The following ANXA7 variants were observed in gnomAD, a reference collection of about 807,000 sequenced individuals.
ANXA7 encodes the protein annexin VII.
A neutral mutation model predicts 64.9 loss-of-function variants in ANXA7; 55 were observed. The ratio of observed to expected loss-of-function variants is 0.85; its 90% CI spans 0.68 to 1.06. The LOEUF (loss-of-function observed/expected upper bound fraction) is 1.06, where lower values mean the gene tolerates loss of function less well. ANXA7 is among the 50% of genes least tolerant of loss of function. The probability of loss-of-function intolerance (pLI) is 0.00; values close to 1 mark genes in which losing one functional copy is unlikely to be tolerated. For missense variants in ANXA7, 548 were observed against 582.1 expected (o/e 0.94, Z 0.60); for synonymous variants, 200 against 192.4 (o/e 1.04, Z -0.33).
intron 12 of ANXA7, 48 bp from the exon 13 acceptor site, chr10:73,376,265 A>G: frequency 6.7e-7 from 1 of 1,499,960 alleles, no homozygotes; most frequent in Non-Finnish European, 8.9e-7. Flanking sequence ...GTGACAACTG[A>G]CATTTCTTAA....
At chr10:73,390,157 C>T (rs2055445666) in intron 5 of ANXA7, among the ~76,000 whole-genome samples, 1 of 152,154 alleles carries the variant, frequency 6.6e-6, no homozygotes, top group African/African-American at 2.4e-5. Context: ...ATCATTTAAA[C>T]ATGCAATCAA....
At chr10:73,381,678 C>T (rs546172405) in intron 9 of ANXA7, 8 of 152,336 alleles carry the variant, frequency 5.3e-5, no homozygotes, top group African/African-American at 1.7e-4. Context: ...AGGGCTGGGC[C>T]TTGAACTCTG....
At chr10:73,397,125 T>C in intron 4 of ANXA7, 39 bp downstream of exon 4, 1 of 1,187,966 alleles carries the variant, frequency 8.4e-7, no homozygotes, top group Non-Finnish European at 1.2e-6. Flanking sequence ...AAACTCAAAA[T>C]ATCATGATAC....
At chr10:73,389,911 C>T (rs1025938032) in intron 5 of ANXA7, among the ~76,000 whole-genome samples, 6 of 152,164 alleles carry the variant, frequency 3.9e-5, no homozygotes, top group Non-Finnish European at 8.8e-5. Context: ...AGGTGTGCGG[C>T]CAGCCCAGAA....
chr10:73,376,371 C>T (rs919088012), intron 12 of ANXA7, among the ~76,000 whole-genome samples, 154 bp from the exon 13 acceptor site: 22 of 152,290 alleles, frequency 1.4e-4, no homozygotes, highest in African/African-American at 5.3e-4. Context: ...CATACCAATG[C>T]TAGCACTACC....
intron 4 of ANXA7, 91 bp from the exon 5 acceptor site, chr10:73,396,674 A>G: frequency 1.4e-6 from 1 of 721,170 alleles, no homozygotes; most frequent in Non-Finnish European, 2.3e-6. Context: ...GAATATGGAA[A>G]CATACAAGAA....
intron 5 of ANXA7, 88 bp from the exon 6 acceptor site, chr10:73,388,502 A>G: frequency 1.0e-6 from 1 of 985,460 alleles, no homozygotes; most frequent in Admixed American, 2.0e-5. Context: ...CATCAATCTT[A>G]AGTAAGAAGG....
At chr10:73,400,209 T>A (rs903059194) in intron 2 of ANXA7, among the ~76,000 whole-genome samples, 5 of 152,036 alleles carry the variant, frequency 3.3e-5, no homozygotes, top group African/African-American at 1.2e-4. Context: ...CAGCTCTTAG[T>A]CCTCAGAGTA....
chr10:73,394,014 A>C (rs1168334385), intron 5 of ANXA7, among the ~76,000 whole-genome samples: 1 of 152,042 alleles, frequency 6.6e-6, no homozygotes, highest in Non-Finnish European at 1.5e-5. Context: ...AATTTACAAG[A>C]AAAAAATCAA....
At chr10:73,391,872 C>T (rs2055489344) in intron 5 of ANXA7, among the ~76,000 whole-genome samples, 1 of 152,188 alleles carries the variant, frequency 6.6e-6, no homozygotes, top group South Asian at 2.1e-4. Context: ...CAAAATCTAA[C>T]ACTCTGCATT....
At chr10:73,394,699 AG>A (rs1318945859) in intron 5 of ANXA7, among the ~76,000 whole-genome samples, 2 of 152,116 alleles carry the variant, frequency 1.3e-5, no homozygotes, top group East Asian at 1.9e-4. Context: ...ATCACACACC[AG>A]GGACTGTCGT....
chr10:73,407,411 C>G (rs549558322), intron 1 of ANXA7, among the ~76,000 whole-genome samples: 1 of 152,050 alleles, frequency 6.6e-6, no homozygotes, highest in African/African-American at 2.4e-5. Context: ...CCCTAGGGAT[C>G]GTGTTAAAAT....
chr10:73,376,121 G>T lies in ANXA7; in HGVS notation c.1375C>A (p.Leu459Ile). The T allele has an allele frequency of 6.3e-7, 1 of 1,597,738 alleles. No homozygotes were observed. The highest frequency in any genetic ancestry group is 1.2e-5 in the South Asian group (1 of 86,292). Residue 459 changes from leucine (L) to isoleucine (I), a missense_variant, in exon 13 of 13, where the codon CTT (leucine) becomes ATT (isoleucine). Transcript: ENST00000372921. ...TACTGGCCCACAATAGCCAGAAGAA[G>T]TCTTCGGTAATCTCCACTCGTGTCA... is the stretch of plus-strand genomic sequence containing the variant. ...AGDTSGDYRR[L>I]LLAIVGQ
chr10:73,410,066 T>C (rs574663473), intron 1 of ANXA7, among the ~76,000 whole-genome samples: 1 of 152,056 alleles, frequency 6.6e-6, no homozygotes, highest in East Asian at 1.9e-4. Context: ...TTCTAGAACA[T>C]TGGAAACAGT....
In ANXA7 at chr10:73,383,198, G is replaced by A. The variant is rs763284965; in HGVS notation, c.895C>T (p.Arg299Cys). 20 of 1,613,416 alleles carry A rather than the reference G, an allele frequency of 1.2e-5. No homozygotes were observed. Among genetic ancestry groups the A allele is most frequent in the Admixed American group, 5.0e-5 (3 of 59,910 alleles). Residue 299 changes from arginine (R) to cysteine (C), a missense_variant, in exon 9 of 13, where the codon CGT becomes TGT. Coordinates refer to ENST00000372921, the MANE Select transcript of ANXA7 (RefSeq NM_001156.5). ...ACCTGGCACATGGACACAAGTAAAC[G>A]TTCAAAATGTCCTGATGTATCTGAC... ...IRSDTSGHFE[R>C]LLVSMCQGNR... is the part of the protein sequence containing the mutation.
chr10:73,393,085 G>A (rs1475975338), intron 5 of ANXA7, among the ~76,000 whole-genome samples: 1 of 152,130 alleles, frequency 6.6e-6, no homozygotes, highest in African/African-American at 2.4e-5. Context: ...CAAATCATGA[G>A]TGAACTCCCA....
chr10:73,386,695 T>C (rs1054914791), intron 7 of ANXA7, among the ~76,000 whole-genome samples: 3 of 152,076 alleles, frequency 2.0e-5, no homozygotes, highest in African/African-American at 7.2e-5. Flanking sequence ...TGAGACAGCG[T>C]CTTGTTCTGT....
At chr10:73,397,051 G>T in intron 4 of ANXA7, 113 bp downstream of exon 4, 1 of 476,036 alleles carries the variant, frequency 2.1e-6, no homozygotes, top group Non-Finnish European at 3.7e-6. Flanking sequence ...ATTATTTATG[G>T]AAATATAAAC....
At chr10:73,381,182 G>A (rs1372594530) in intron 9 of ANXA7, among the ~76,000 whole-genome samples, 3 of 152,024 alleles carry the variant, frequency 2.0e-5, no homozygotes, top group Non-Finnish European at 2.9e-5. Flanking sequence ...GGGACTATAA[G>A]CTCACACCAC....
Sources: gnomAD v4.1 joint callset for allele counts (sites outside exome capture counted in the v4.1 genomes callset) on GRCh38, gnomAD v4.1.1 for gene constraint, MANE v1.5 for transcripts, NCBI Gene and HGNC (gene_info 2026-07-23, HGNC 2026-07-21) for gene names.